Variants in PDCD11 observed in about 807,000 individuals in gnomAD.
The protein encoded by PDCD11 is programmed cell death 11.
Under a neutral mutation model 198.9 loss-of-function variants are expected in PDCD11, and 97 were observed. The observed-to-expected ratio is 0.49, with a 90% CI of 0.41 to 0.58. The LOEUF is 0.58. Among genes scored for constraint, PDCD11 ranks in the 20% least tolerant of loss-of-function variants. The probability of loss-of-function intolerance (pLI) is 0.00; values close to 1 mark genes in which losing one functional copy is unlikely to be tolerated. For synonymous variants in PDCD11, 893 were observed against 918.0 expected, an observed-to-expected ratio of 0.97 and a Z score of 0.49; for missense variants, 2,102 against 2,312.7, an observed-to-expected ratio of 0.91 and a Z score of 1.87.
rs2032054361 is a variant in PDCD11 at position 103,434,257 on chromosome 10, C to CTT, written c.3574_3575insTT (p.His1192LeufsTer13). On this transcript the variant is annotated frameshift_variant, in exon 24 of 36. Coordinates refer to ENST00000369797, the MANE Select transcript of PDCD11 (RefSeq NM_014976.2). LOFTEE classifies it high-confidence loss of function. ...TTTTTTATCCTTCCAGGTTCTGAAG[C>CTT]ATCCAGATAAGAAGTTCCGGGTTGG... 6.2e-7 allele frequency: 1 copy of CTT among 1,610,406 alleles called. No homozygotes were observed. The highest frequency in any genetic ancestry group is 1.3e-5 in the African/African-American group (1 of 74,856).
chr10:103,423,493 C>G (rs771594998), intron 18 of PDCD11, 50 bp from the exon 19 acceptor site: 1 of 1,354,776 alleles, frequency 7.4e-7, no homozygotes, highest in Non-Finnish European at 1.1e-6. Context: ...GTGCTGCTCT[C>G]CCTTCACTCT....
At position 103,403,154 on chromosome 10, in the gene PDCD11, A is replaced by C. The variant is rs200633931; in HGVS notation, c.271A>C (p.Lys91Gln). The C allele has an allele frequency of 1.9e-6, 3 of 1,614,158 alleles. No individual in the cohort carries two copies. The African/African-American group carries it at 4.0e-5, about 22-fold the overall frequency. Residue 91 changes from lysine (K) to glutamine (Q), a missense_variant, in exon 4 of 36, where the codon AAA becomes CAA. By Grantham distance (53) the Lys-to-Gln change is moderately conservative. Transcript: ENST00000369797. ...CEGMRILGCVKEVNELELVIS... is the reference protein window; with the variant it reads ...CEGMRILGCVQEVNELELVIS... ...GGGAATGCGTATTTTGGGTTGCGTGAAAGAGGTGAATGAACTGGAACTGGT... is the reference window on the plus strand; with the variant it reads ...GGGAATGCGTATTTTGGGTTGCGTGCAAGAGGTGAATGAACTGGAACTGGT...
At chr10:103,439,669 A>G (rs1338254266) in intron 27 of PDCD11, 77 bp from the exon 28 acceptor site, 1 of 1,551,694 alleles carries the variant, frequency 6.4e-7, no homozygotes, top group Non-Finnish European at 8.9e-7. Flanking sequence ...AGTCCCTGTG[A>G]GAGTGAAGTC....
At position 103,441,943 on chromosome 10, in the gene PDCD11, A is replaced by G; in HGVS notation, c.4675A>G (p.Ser1559Gly). 8 of 1,614,234 alleles carry G rather than the reference A, an allele frequency of 5.0e-6. No homozygotes were observed. The highest frequency in any genetic ancestry group is 6.8e-6 in the Non-Finnish European group (8 of 1,180,034). ...ALPPLAESSDSEEDEKPHQAT... is the reference protein window; with the variant it reads ...ALPPLAESSDGEEDEKPHQAT... ...GCCACCTCTAGCAGAGAGCTCAGACAGCGAGGAGGATGAGAAGCCACACCA... is the reference window on the plus strand; with the variant it reads ...GCCACCTCTAGCAGAGAGCTCAGACGGCGAGGAGGATGAGAAGCCACACCA... Residue 1559 changes from serine (S) to glycine (G), a missense_variant, in exon 31 of 36, where the codon AGC becomes GGC. Coordinates refer to ENST00000369797, the MANE Select transcript of PDCD11 (RefSeq NM_014976.2).
intron 16 of PDCD11, 91 bp downstream of exon 16, chr10:103,419,799 C>T: frequency 1.9e-6 from 2 of 1,029,062 alleles, no homozygotes; most frequent in Non-Finnish European, 1.4e-6. Flanking sequence ...TACTTTATTC[C>T]TTTTTTTTTT....
At chr10:103,430,964 A>G (rs757107951) in intron 21 of PDCD11, among the ~76,000 whole-genome samples, 13 of 151,898 alleles carry the variant, frequency 8.6e-5, no homozygotes, top group Non-Finnish European at 1.9e-4. Flanking sequence ...ACGCCCAGCT[A>G]ATTTTTTGTA....
At chr10:103,412,066 G>T (rs1249794583) in intron 8 of PDCD11, among the ~76,000 whole-genome samples, 4 of 150,064 alleles carry the variant, frequency 2.7e-5, no homozygotes, top group Admixed American at 6.6e-5. Flanking sequence ...GCAGTGGCAC[G>T]ATCATCACTC....
rs577437001 is a variant in PDCD11 at position 103,418,218 on chromosome 10, A to G, written c.1912-222A>G. Among the ~76,000 whole-genome samples, 238 of 152,090 alleles carry G rather than the reference A, an allele frequency of 1.6e-3. 1 individual carries two copies. Among genetic ancestry groups the G allele is most frequent in the Admixed American group, 2.9e-3 (45 of 15,268 alleles). On this transcript the variant is annotated intron_variant, in intron 14 of 35. Coordinates refer to ENST00000369797, the MANE Select transcript of PDCD11 (RefSeq NM_014976.2). ...TTCTGGCTTTCCTGGGGCTCCGTGG[A>G]GGGACTTGAGAGAGGAGTGCGATGG...
chr10:103,419,473 GGAGAT>G, intron 15 of PDCD11, 60 bp from the exon 16 acceptor site: 2 of 1,534,930 alleles, frequency 1.3e-6, no homozygotes, highest in Non-Finnish European at 1.8e-6. Context: ...TGTGGAGAAA[GGAGAT>G]GGGAGAGATG....
In PDCD11 at chr10:103,443,261, C is replaced by G. The variant is rs376343993; in HGVS notation, c.5052C>G (p.Ala1684=). ...QESLTKVFER[A]VQYNEPLKVF... Reference sequence around the variant, plus strand: ...CCCTGACCAAGGTCTTTGAGCGAGCCGTGCAGTACAACGAGCCTCTCAAAG... The same window carrying G: ...CCCTGACCAAGGTCTTTGAGCGAGCGGTGCAGTACAACGAGCCTCTCAAAG... Residue 1684 remains alanine, a synonymous_variant, in exon 33 of 36, where the codon GCC becomes GCG. Transcript: ENST00000369797. The G allele has an allele frequency of 7.4e-6, 12 of 1,613,104 alleles. No homozygotes were observed. Among genetic ancestry groups the G allele is most frequent in the Non-Finnish European group, 1.0e-5 (12 of 1,179,222 alleles).
chr10:103,440,405 A>G lies in PDCD11; in HGVS notation c.4264A>G (p.Thr1422Ala). ...ACTTACAAAGCAAGAGGAGAGGAAA[A>G]CAGAGGCTGAGGAGAGAGACCAAAA... is the stretch of plus-strand genomic sequence containing the variant. Reference protein sequence around the residue: ...GQLTKQEERKTEAEERDQKGE... With the variant: ...GQLTKQEERKAEAEERDQKGE... Residue 1422 changes from threonine (T) to alanine (A), a missense_variant, in exon 29 of 36, where the codon ACA becomes GCA. By Grantham distance (58) the Thr-to-Ala change is moderately conservative. Coordinates refer to ENST00000369797, the MANE Select transcript of PDCD11 (RefSeq NM_014976.2). 6.2e-7 allele frequency: 1 copy of G among 1,614,232 alleles called. No homozygotes were observed. Among genetic ancestry groups the G allele is most frequent in the Non-Finnish European group, 8.5e-7 (1 of 1,180,048 alleles).
At position 103,439,770 on chromosome 10, in the gene PDCD11, G is replaced by A. The variant is rs980178919; in HGVS notation, c.4050G>A (p.Leu1350=). 1.2e-6 allele frequency: 2 copies of A among 1,614,110 alleles called. No homozygotes were observed. Among genetic ancestry groups the A allele is most frequent in the East Asian group, 2.2e-5 (1 of 44,876 alleles). Residue 1350 remains leucine, a synonymous_variant, in exon 28 of 36, where the codon TTG becomes TTA. Coordinates refer to ENST00000369797, the MANE Select transcript of PDCD11 (RefSeq NM_014976.2). Reference sequence around the variant, plus strand: ...GCCTTGGCCCCTCCGTTGTGGGTTTGGCTCGGTACTCCCATGTCTCCCAGC... The same window carrying A: ...GCCTTGGCCCCTCCGTTGTGGGTTTAGCTCGGTACTCCCATGTCTCCCAGC... ...FFRLGPSVVG[L]ARYSHVSQHS... is the part of the protein sequence containing the mutation.
intron 14 of PDCD11, among the ~76,000 whole-genome samples, chr10:103,418,166 T>G (rs536205338): frequency 6.6e-6 from 1 of 152,308 alleles, no homozygotes; most frequent in East Asian, 1.9e-4. Context: ...ACCTCTTTCC[T>G]CTCGGGTCCC....
intron 9 of PDCD11, 140 bp downstream of exon 9, chr10:103,413,462 G>T (rs1005971359): frequency 4.8e-5 from 32 of 670,248 alleles, no homozygotes; most frequent in Non-Finnish European, 8.0e-5. Context: ...TGTTCATAGT[G>T]ATTAGAACAA....
chr10:103,432,519 T>C (rs953307284), intron 22 of PDCD11, among the ~76,000 whole-genome samples: 5 of 152,224 alleles, frequency 3.3e-5, no homozygotes, highest in Non-Finnish European at 5.9e-5. Context: ...AATATAAATG[T>C]ATATAATTTG....
intron 7 of PDCD11, among the ~76,000 whole-genome samples, chr10:103,407,377 C>T (rs549355289): frequency 6.6e-6 from 1 of 152,030 alleles, no homozygotes; most frequent in Non-Finnish European, 1.5e-5. Flanking sequence ...TCTTGGCTAA[C>T]ACGGTGAAAC....
intron 1 of PDCD11, among the ~76,000 whole-genome samples, chr10:103,397,730 G>C (rs561017670): frequency 6.6e-6 from 1 of 152,200 alleles, no homozygotes; most frequent in Non-Finnish European, 1.5e-5. Flanking sequence ...CATGGTGCCC[G>C]GCCTTCTTTA....
At chr10:103,437,730 C>T (rs186893635) in intron 25 of PDCD11, among the ~76,000 whole-genome samples, 3 of 152,184 alleles carry the variant, frequency 2.0e-5, no homozygotes, top group East Asian at 1.9e-4. Flanking sequence ...CCTTGTGATC[C>T]GCCTACCTCA....
Position 103,425,383 on chromosome 10 carries a change from C to A in PDCD11, c.3163C>A (p.Leu1055Met), listed in dbSNP as rs765725727. ...SIKPTHVVVT[L>M]EDGIIGCIHA... Reference sequence around the variant, plus strand: ...TAAGCCTACCCATGTGGTTGTGACTCTGGAAGATGGCATTATTGGCTGTAT... The same window carrying A: ...TAAGCCTACCCATGTGGTTGTGACTATGGAAGATGGCATTATTGGCTGTAT... Residue 1055 changes from leucine (L) to methionine (M), a missense_variant, in exon 20 of 36, where the codon CTG becomes ATG. Coordinates refer to ENST00000369797, the MANE Select transcript of PDCD11 (RefSeq NM_014976.2). The A allele has an allele frequency of 6.2e-7, 1 of 1,614,146 alleles. No individual in the cohort carries two copies. The highest frequency in any genetic ancestry group is 8.5e-7 in the Non-Finnish European group (1 of 1,180,042).
Sources: gnomAD v4.1 joint callset for allele counts (sites outside exome capture counted in the v4.1 genomes callset) on GRCh38, gnomAD v4.1.1 for gene constraint, MANE v1.5 for transcripts, NCBI Gene and HGNC (gene_info 2026-07-23, HGNC 2026-07-21) for gene names.